WDR81: variants seen among roughly 807,000 people sequenced by gnomAD.
The protein encoded by WDR81 is WD repeat-containing protein 81.
Under a neutral mutation model 140.8 loss-of-function variants are expected in WDR81, and 92 were observed. The ratio of observed to expected loss-of-function variants is 0.65; its 90% CI spans 0.55 to 0.78. WDR81 has a LOEUF of 0.78. WDR81 is among the 30% of genes least tolerant of loss of function. The pLI is 0.00. For synonymous variants in WDR81, 1,183 were observed against 1,156.4 expected, an observed-to-expected ratio of 1.02 and a Z score of -0.47; for missense variants, 2,502 against 2,636.4, an observed-to-expected ratio of 0.95 and a Z score of 1.12.
At chr17:1,721,803 CAG>C (rs564697073), upstream of WDR81, among the ~76,000 whole-genome samples, 2 of 141,458 alleles carry the variant, frequency 1.4e-5, no homozygotes, top group Non-Finnish European at 3.0e-5. Context: ...GCCTGGGCAA[CAG>C]AGTGAGACTC....
At chr17:1,724,045 A>T (rs1915041492), upstream of WDR81, among the ~76,000 whole-genome samples, 1 of 152,008 alleles carries the variant, frequency 6.6e-6, no homozygotes. Context: ...GGTGGCATGG[A>T]GGCGCCGGGG....
chr17:1,732,283 C>T (rs1349800574), intron 4 of WDR81, 42 bp from the exon 5 acceptor site: 3 of 1,596,304 alleles, frequency 1.9e-6, no homozygotes, highest in Non-Finnish European at 2.6e-6. Context: ...CTGGTCAAGT[C>T]CTGCAGAACG....
rs962804646 is a variant in WDR81 at position 1,735,373 on chromosome 17, G to A, written c.5180-199G>A. Reference sequence around the variant, plus strand: ...GAACCTGGGAGGTGGAGGTTGCAGTGAGCCGAGATTGCACCACTGCACTCC... The same window carrying A: ...GAACCTGGGAGGTGGAGGTTGCAGTAAGCCGAGATTGCACCACTGCACTCC... On this transcript the variant is annotated intron_variant, in intron 7 of 9. Coordinates refer to ENST00000409644, the MANE Select transcript of WDR81 (RefSeq NM_001163809.2). The surrounding 1 kb of genome is among the most constrained non-coding windows in gnomAD (Gnocchi z 4.2). Among the ~76,000 whole-genome samples, 8 of 152,312 alleles carry A rather than the reference G, an allele frequency of 5.3e-5. No homozygotes were observed. The highest frequency in any genetic ancestry group is 1.9e-4 in the African/African-American group (8 of 41,576).
upstream of WDR81, among the ~76,000 whole-genome samples, chr17:1,722,896 A>C (rs920148816): frequency 6.9e-6 from 1 of 144,444 alleles, no homozygotes; most frequent in Non-Finnish European, 1.5e-5. Flanking sequence ...AGTTTCCCCA[A>C]GTTGGCCGGG....
chr17:1,733,381 G>GA, intron 6 of WDR81, 146 bp from the exon 7 acceptor site: 2 of 769,380 alleles, frequency 2.6e-6, no homozygotes, highest in South Asian at 2.0e-5. Context: ...CACTGAGGAG[G>GA]AAACTGAGGC....
chr17:1,720,658 G>A (rs555407543), upstream of WDR81, among the ~76,000 whole-genome samples: 1 of 152,060 alleles, frequency 6.6e-6, no homozygotes, highest in Non-Finnish European at 1.5e-5. Flanking sequence ...CCAGGTACTC[G>A]GGAGGCTGAG....
In WDR81 at chr17:1,726,689, G is replaced by A; in HGVS notation, c.1730G>A (p.Ser577Asn). The change falls in exon 1 of 10, where the codon AGC becomes AAC. Residue 577 changes from serine (S) to asparagine (N), a missense_variant. Ser to Asn is a conservative substitution (Grantham distance 46). Coordinates refer to ENST00000409644, the MANE Select transcript of WDR81 (RefSeq NM_001163809.2). ...GTGGACGCCCACACTCACCTGGCCA[G>A]CTACGGGGTGGTGCAGCTCTTCGAT... ...HLVDAHTHLA[S>N]YGVVQLFDQP... 6.5e-7 allele frequency: 1 copy of A among 1,549,776 alleles called. No homozygotes were observed. Among genetic ancestry groups the A allele is most frequent in the South Asian group, 1.2e-5 (1 of 84,068 alleles).
Position 1,725,283 on chromosome 17 carries a change from T to G in WDR81, c.324T>G (p.His108Gln), listed in dbSNP as rs1448361715. ...CCGGCTGGACGCGCGTGGAGGTGCA[T>G]GGGCTGCGGAAGCGGAGACTGTCCT... ...LPAGWTRVEV[H>Q]GLRKRRLSYP... is the part of the protein sequence containing the mutation. The change falls in exon 1 of 10, where the codon CAT (histidine) becomes CAG (glutamine). Residue 108 changes from histidine (H) to glutamine (Q), a missense_variant. By Grantham distance (24) the His-to-Gln change is conservative. Transcript: ENST00000409644. The G allele has an allele frequency of 3.2e-6, 5 of 1,546,750 alleles. No homozygotes were observed. The highest frequency in any genetic ancestry group is 4.4e-6 in the Non-Finnish European group (5 of 1,146,932).
rs1905081029 is a variant in WDR81 at position 1,738,545 on chromosome 17, A to G, written c.*860A>G. ...CCCCTGCTGCCTTCTCACAATTTGC[A>G]ATAGATGTAAATAGGACCAATAAAT... On this transcript the variant is annotated 3_prime_UTR_variant, in exon 10 of 10. Transcript: ENST00000409644. 1 of 152,374 alleles carries G rather than the reference A, an allele frequency of 6.6e-6. No individual in the cohort carries two copies. The highest frequency in any genetic ancestry group is 1.5e-5 in the Non-Finnish European group (1 of 68,328). The allele number at this position is 152,374 out of a possible 1,614,324, so 9.4% of individuals were successfully genotyped here. A position where few individuals can be genotyped will look rare whatever the true frequency, so the allele number is the denominator to read the frequency against.
At chr17:1,734,262 C>T in intron 7 of WDR81, 46 bp downstream of exon 7, 4 of 1,485,116 alleles carry the variant, frequency 2.7e-6, no homozygotes, top group Non-Finnish European at 3.6e-6. Context: ...CTCCTGCGCC[C>T]CACCAGGCCT....
Position 1,733,690 on chromosome 17 carries a change from G to C in WDR81, c.4653G>C (p.Gln1551His). 5 of 1,612,276 alleles carry C rather than the reference G, an allele frequency of 3.1e-6. No homozygotes were observed. Among genetic ancestry groups the C allele is most frequent in the Non-Finnish European group, 4.2e-6 (5 of 1,179,690 alleles). Residue 1551 changes from glutamine (Q) to histidine (H), a missense_variant, in exon 7 of 10, where the codon CAG becomes CAC. This residue lies in a region of WDR81 where 1,737 missense variants were observed against 1,843.0 expected (regional missense o/e 0.94). Coordinates refer to ENST00000409644, the MANE Select transcript of WDR81 (RefSeq NM_001163809.2). ...EWDPHGGGCP[Q>H]DDGHSGTFGS... Reference sequence around the variant, plus strand: ...ACCCCCATGGTGGGGGCTGCCCTCAGGATGACGGCCACTCAGGGACCTTTG... The same window carrying C: ...ACCCCCATGGTGGGGGCTGCCCTCACGATGACGGCCACTCAGGGACCTTTG...
rs761577545 is a variant in WDR81, at chr17:1,728,204, C to G, written c.3245C>G (p.Thr1082Arg). ...CACGACCAGGCTGACCTCCCTGAGA[C>G]AGAGGACTTCCAAGCCGGGCTCTAT... ...SFHDQADLPE[T>R]EDFQAGLYVT... The change falls in exon 1 of 10, where the codon ACA becomes AGA. Residue 1082 changes from threonine to arginine, a missense_variant. Around this residue, in one of 3 missense-constraint regions of WDR81, gnomAD observed 1,737 missense variants for 1,843.0 expected, o/e 0.94. Coordinates refer to ENST00000409644, the MANE Select transcript of WDR81 (RefSeq NM_001163809.2). The G allele has an allele frequency of 1.1e-5, 17 of 1,605,492 alleles. No individual in the cohort carries two copies. The highest frequency in any genetic ancestry group is 1.4e-5 in the Non-Finnish European group (17 of 1,174,310).
rs1410136583 is a variant in WDR81, at chr17:1,727,336, G to C, written c.2377G>C (p.Asp793His). The change falls in exon 1 of 10, where the codon GAT becomes CAT. Residue 793 changes from aspartate to histidine, a missense_variant. By Grantham distance (81) the Asp-to-His change is moderately conservative. Coordinates refer to ENST00000409644, the MANE Select transcript of WDR81 (RefSeq NM_001163809.2). ...FATRVRTLQP[D>H]APLWVRFQAV... ...CACCAGGGTGCGGACGCTGCAGCCC[G>C]ATGCACCTTTGTGGGTACGCTTCCA... 1.3e-6 allele frequency: 2 copies of C among 1,549,898 alleles called. No individual in the cohort carries two copies. The highest frequency in any genetic ancestry group is 1.7e-6 in the Non-Finnish European group (2 of 1,146,970).
At position 1,730,216 on chromosome 17, in the gene WDR81, T is replaced by C. The variant is rs561389394; in HGVS notation, c.3668-164T>C. Among the ~76,000 whole-genome samples, 178 of 151,828 alleles carry C rather than the reference T, an allele frequency of 1.2e-3. 1 individual carries two copies. Among genetic ancestry groups the C allele is most frequent in the Middle Eastern group, 3.4e-3 (1 of 292 alleles). Reference sequence around the variant, plus strand: ...TCCCACAGGCCAGGGCCTGGGCACCTCTGCCGCTGTTACGTGGAGGGGGTG... The same window carrying C: ...TCCCACAGGCCAGGGCCTGGGCACCCCTGCCGCTGTTACGTGGAGGGGGTG... On this transcript the variant is annotated intron_variant, in intron 1 of 9. Coordinates refer to ENST00000409644, the MANE Select transcript of WDR81 (RefSeq NM_001163809.2).
At chr17:1,730,276 A>G (rs1309902854) in intron 1 of WDR81, 104 bp from the exon 2 acceptor site, 1 of 934,154 alleles carries the variant, frequency 1.1e-6, no homozygotes, top group African/African-American at 1.8e-5. Context: ...GGCTCTTGGC[A>G]GAGCTGCAGC....
chr17:1,726,738 T>C lies in WDR81; in HGVS notation c.1779T>C (p.Ala593=). Residue 593 remains alanine, a synonymous_variant, in exon 1 of 10, where the codon GCT becomes GCC. Transcript: ENST00000409644. ...LFDQPHPQRL[A]GAPALAPEPP... ...ATCAGCCACACCCCCAGCGCCTGGCTGGGGCTCCTGCCCTTGCCCCCGAGC... is the reference window on the plus strand; with the variant it reads ...ATCAGCCACACCCCCAGCGCCTGGCCGGGGCTCCTGCCCTTGCCCCCGAGC... 6.5e-7 allele frequency: 1 copy of C among 1,547,950 alleles called. No individual in the cohort carries two copies. Among genetic ancestry groups the C allele is most frequent in the Non-Finnish European group, 8.7e-7 (1 of 1,146,474 alleles).
intron 7 of WDR81, among the ~76,000 whole-genome samples, chr17:1,734,813 G>A (rs1728585480): frequency 1.3e-5 from 2 of 152,068 alleles, no homozygotes; most frequent in Admixed American, 6.6e-5. Context: ...ACACATGTAG[G>A]GTTTTGGCTT....
intron 9 of WDR81, among the ~76,000 whole-genome samples, chr17:1,736,917 G>T (rs1371709273): frequency 6.6e-6 from 1 of 152,176 alleles, no homozygotes; most frequent in African/African-American, 2.4e-5. Context: ...TCAGCTCAAG[G>T]TGCCCCCAAA....
At chr17:1,721,845 C>T (rs772842751), upstream of WDR81, among the ~76,000 whole-genome samples, 2 of 149,990 alleles carry the variant, frequency 1.3e-5, no homozygotes, top group African/African-American at 2.4e-5. Context: ...AAAATCAGGC[C>T]GGGCACGGTG....
Sources: gnomAD v4.1 joint callset for allele counts (sites outside exome capture counted in the v4.1 genomes callset) on GRCh38, gnomAD v4.1.1 for gene constraint, gnomAD v4.1.1 regional missense constraint, Gnocchi (gnomAD v3.1) non-coding constraint, MANE v1.5 for transcripts, NCBI Gene and HGNC (gene_info 2026-07-23, HGNC 2026-07-21) for gene names.